The following NBAS variants were observed in gnomAD, a reference collection of about 807,000 sequenced individuals.
NBAS encodes the protein NAG/BC035112 fusion.
NBAS carries 219 observed loss-of-function variants against 302.5 expected under a neutral mutation model. The ratio of observed to expected loss-of-function variants is 0.72; its 90% CI spans 0.65 to 0.81. The LOEUF (loss-of-function observed/expected upper bound fraction) is 0.81. Among genes scored for constraint, NBAS ranks in the 30% least tolerant of loss-of-function variants. The pLI, the probability that NBAS is intolerant of heterozygous loss-of-function variation, is 0.00. For synonymous variants in NBAS, 1,118 were observed against 1,021.6 expected (o/e 1.09, Z -1.80); for missense variants, 2,932 against 2,841.6 (o/e 1.03, Z -0.72).
chr2:15,463,896 T>C (rs1190484887), intron 19 of NBAS, among the ~76,000 whole-genome samples: 2 of 152,088 alleles, frequency 1.3e-5, no homozygotes, highest in Non-Finnish European at 2.9e-5. Flanking sequence ...GTGGTTATAG[T>C]TTCTTAAGTC....
chr2:15,276,107 C>T (rs755247831), intron 43 of NBAS, among the ~76,000 whole-genome samples: 1 of 152,240 alleles, frequency 6.6e-6, no homozygotes, highest in South Asian at 2.1e-4. Flanking sequence ...CTTTCGAATC[C>T]GCCGCAGCAC....
chr2:15,084,668 A>C, the NBAS span, among the ~76,000 whole-genome samples: 1 of 147,018 alleles, frequency 6.8e-6, no homozygotes, highest in African/African-American at 2.7e-5. Context: ...TCACACTCTC[A>C]CACACCATAT....
chr2:15,426,524 AG>A (rs1677486233), intron 22 of NBAS, among the ~76,000 whole-genome samples: 1 of 152,132 alleles, frequency 6.6e-6, no homozygotes, highest in African/African-American at 2.4e-5. Flanking sequence ...CCTATTTTCT[AG>A]GAAAGTTTCT....
chr2:15,034,750 T>C, the NBAS span, among the ~76,000 whole-genome samples: 12 of 152,286 alleles, frequency 7.9e-5, 1 homozygote, highest in African/African-American at 2.9e-4. Flanking sequence ...TACTTGCTAA[T>C]AGTTGAGATG....
chr2:15,536,227 C>G (rs1356991893), intron 8 of NBAS, among the ~76,000 whole-genome samples, 191 bp downstream of exon 8: 1 of 151,936 alleles, frequency 6.6e-6, no homozygotes, highest in Non-Finnish European at 1.5e-5. Context: ...ATAGCAAGCA[C>G]AGTAAAATCC....
chr2:15,289,982 C>T (rs966514482), intron 41 of NBAS, among the ~76,000 whole-genome samples: 13 of 148,774 alleles, frequency 8.7e-5, no homozygotes, highest in African/African-American at 2.2e-4. Context: ...GGCGCCAGAG[C>T]GAGACTCCAT....
the NBAS span, among the ~76,000 whole-genome samples, chr2:14,835,299 G>A: frequency 4.0e-5 from 6 of 151,768 alleles, no homozygotes; most frequent in African/African-American, 1.5e-4. Flanking sequence ...TGAAAATATT[G>A]GTATTTTGAA....
chr2:14,938,999 C>T, the NBAS span, among the ~76,000 whole-genome samples: 2 of 152,232 alleles, frequency 1.3e-5, no homozygotes, highest in African/African-American at 4.8e-5. Context: ...CCTACCCAAA[C>T]AAGCTCACAA....
At position 15,177,382 on chromosome 2, in the gene NBAS, G is replaced by C. The variant is rs1469564489; in HGVS notation, c.6840+1606C>G. Reference sequence around the variant, plus strand: ...GTAGGTATGTGGGGGAAATGCTGCTGTGTGGGTAGTAAGATTAGTCAGCAG... The same window carrying C: ...GTAGGTATGTGGGGGAAATGCTGCTCTGTGGGTAGTAAGATTAGTCAGCAG... On this transcript the variant is annotated intron_variant, in intron 51 of 51. Transcript: ENST00000281513. 3.3e-5 allele frequency among the ~76,000 whole-genome samples: 5 copies of C among 152,184 alleles called. No homozygotes were observed. In the East Asian group the frequency reaches 9.6e-4, roughly 29 times the overall value.
chr2:14,939,771 G>A, the NBAS span, among the ~76,000 whole-genome samples: 1 of 152,166 alleles, frequency 6.6e-6, no homozygotes, highest in African/African-American at 2.4e-5. Context: ...CATTGTTTGA[G>A]GATATATGTG....
chr2:15,380,631 CA>C, intron 29 of NBAS, among the ~76,000 whole-genome samples: 1 of 150,450 alleles, frequency 6.6e-6, no homozygotes, highest in African/African-American at 2.4e-5. Flanking sequence ...AGACAACTAA[CA>C]ACATCAATTA....
intron 6 of NBAS, among the ~76,000 whole-genome samples, chr2:15,550,864 G>A (rs1664349999): frequency 6.6e-6 from 1 of 152,150 alleles, no homozygotes; most frequent in South Asian, 2.1e-4. Flanking sequence ...TGGGATTACA[G>A]GTGAGAGCCA....
chr2:15,267,285 A>G (rs543065048), intron 44 of NBAS, among the ~76,000 whole-genome samples: 42 of 152,354 alleles, frequency 2.8e-4, no homozygotes, highest in African/African-American at 9.9e-4. Context: ...ATAGTGACTA[A>G]ACATTTCCTG....
intron 44 of NBAS, among the ~76,000 whole-genome samples, chr2:15,261,958 A>G (rs1174410111): frequency 6.6e-6 from 1 of 152,208 alleles, no homozygotes; most frequent in East Asian, 1.9e-4. Context: ...TCTAGGTCTT[A>G]TCCTAACACT....
chr2:15,104,897 G>C, the NBAS span, among the ~76,000 whole-genome samples: 1 of 151,882 alleles, frequency 6.6e-6, no homozygotes, highest in East Asian at 1.9e-4. Context: ...TTTTGATGGG[G>C]TTGCTTTTTC....
At chr2:14,806,550 C>A in the NBAS span, among the ~76,000 whole-genome samples, 1 of 152,140 alleles carries the variant, frequency 6.6e-6, no homozygotes, top group East Asian at 1.9e-4. Context: ...ACACACAGAC[C>A]CCTCAGAGTC....
intron 11 of NBAS, among the ~76,000 whole-genome samples, chr2:15,500,881 G>A (rs574536149): frequency 8.0e-5 from 12 of 150,688 alleles, no homozygotes; most frequent in African/African-American, 2.9e-4. Context: ...CCTAGATCGC[G>A]CCACTGCACT....
the NBAS span, among the ~76,000 whole-genome samples, chr2:14,965,174 A>G: frequency 6.6e-6 from 1 of 152,146 alleles, no homozygotes; most frequent in Non-Finnish European, 1.5e-5. Flanking sequence ...GAAGATAAAT[A>G]GTAAAGATCA....
chr2:15,072,849 C>T, the NBAS span, among the ~76,000 whole-genome samples: 60 of 152,292 alleles, frequency 3.9e-4, no homozygotes, highest in African/African-American at 1.3e-3. Context: ...ATAACACAGG[C>T]CAGGCGCAGA....
Sources: allele counts gnomAD v4.1 joint callset (sites outside exome capture counted in the v4.1 genomes callset), GRCh38; gene constraint gnomAD v4.1.1; transcripts MANE v1.5; gene names NCBI Gene and HGNC (gene_info 2026-07-23, HGNC 2026-07-21).